Variants in UBOX5 observed in about 807,000 individuals in gnomAD.
The protein encoded by UBOX5 is U-box domain containing 5.
Under a neutral mutation model 39.0 loss-of-function variants are expected in UBOX5, and 28 were observed. The observed-to-expected ratio is 0.72, with a 90% confidence interval of 0.53 to 0.98. The LOEUF (loss-of-function observed/expected upper bound fraction) is 0.98, where lower values mean the gene tolerates loss of function less well. Ranked by LOEUF, UBOX5 falls within the 50% of genes least tolerant of loss-of-function variation. The probability of loss-of-function intolerance (pLI) is 0.00; values close to 1 mark genes in which losing one functional copy is unlikely to be tolerated. For missense variants in UBOX5, 585 were observed against 674.4 expected (o/e 0.87, Z 1.47); for synonymous variants, 283 against 275.5 (o/e 1.03, Z -0.27).
chr20:3,134,410 T>C (rs1348247652), intron 1 of UBOX5, among the ~76,000 whole-genome samples: 3 of 152,132 alleles, frequency 2.0e-5, no homozygotes, highest in African/African-American at 7.2e-5. Context: ...ATGAACGGCC[T>C]TCTCTGTGAG....
intron 1 of UBOX5, among the ~76,000 whole-genome samples, chr20:3,153,153 TA>T (rs1351855935): frequency 1.3e-5 from 2 of 152,208 alleles, no homozygotes; most frequent in Non-Finnish European, 2.9e-5. Context: ...ATTAAATAAT[TA>T]AAATTACTTC....
At chr20:3,112,645 C>A (rs375607786) in intron 4 of UBOX5, among the ~76,000 whole-genome samples, 2 of 152,078 alleles carry the variant, frequency 1.3e-5, no homozygotes, top group African/African-American at 4.8e-5. Context: ...CAAAGAACAG[C>A]CTATCCGTTA....
chr20:3,116,531 G>C (rs1055731089), intron 3 of UBOX5: 1 of 152,224 alleles, frequency 6.6e-6, no homozygotes, highest in African/African-American at 2.4e-5. Flanking sequence ...GCCCTAGTCA[G>C]CGTGGTCCTG....
rs2066240652 is a variant in UBOX5 at position 3,110,021 on chromosome 20, C to A, written c.*85G>T. 3.9e-5 allele frequency: 60 copies of A among 1,541,102 alleles called. No individual in the cohort carries two copies. The highest frequency in any genetic ancestry group is 5.0e-5 in the Non-Finnish European group (57 of 1,132,556). On this transcript the variant is annotated 3_prime_UTR_variant, in exon 5 of 5. Transcript: ENST00000217173. ...AGGCAGCTCTGTGCCTGGGGCCTGG[C>A]CAGACCTCAGGGGTGCTGTGGCCCT...
At chr20:3,118,901 T>A (rs1345523027) in intron 3 of UBOX5, among the ~76,000 whole-genome samples, 1 of 152,020 alleles carries the variant, frequency 6.6e-6, no homozygotes, top group Admixed American at 6.6e-5. Context: ...ATCACACCAC[T>A]GCACTCTACC....
chr20:3,114,909 C>T (rs2066281499), intron 4 of UBOX5, among the ~76,000 whole-genome samples: 1 of 152,088 alleles, frequency 6.6e-6, no homozygotes, highest in Non-Finnish European at 1.5e-5. Flanking sequence ...GACTGTGCCA[C>T]TGCACTCCAG....
In UBOX5 at chr20:3,149,179, T is replaced by C. The variant is rs528931141; in HGVS notation, c.-42+10587A>G. 189 of 1,267,726 alleles carry C rather than the reference T, an allele frequency of 1.5e-4. No homozygotes were observed. The African/African-American group carries it at 2.7e-3, about 18-fold the overall frequency. The allele number at this position is 1,267,726 out of a possible 1,614,324, so 78.5% of individuals were successfully genotyped here. A position where few individuals can be genotyped will look rare whatever the true frequency, so the allele number is the denominator to read the frequency against. On this transcript the variant is annotated intron_variant, in intron 1 of 4. Coordinates refer to ENST00000217173, the MANE Select transcript of UBOX5 (RefSeq NM_014948.4). The surrounding 1 kb of genome is among the most constrained non-coding windows in gnomAD (Gnocchi z 4.1). ...TGATTAGAGCTGGACGGGGAGGTGTTCCACAAAAACTGCCTGGAAATCTTC... is the reference window on the plus strand; with the variant it reads ...TGATTAGAGCTGGACGGGGAGGTGTCCCACAAAAACTGCCTGGAAATCTTC...
intron 1 of UBOX5, among the ~76,000 whole-genome samples, chr20:3,158,701 C>G (rs1368293911): frequency 1.3e-5 from 2 of 151,962 alleles, no homozygotes; most frequent in African/African-American, 2.4e-5. Context: ...GTCTCGATCT[C>G]CTGACCTCGT....
Position 3,134,634 on chromosome 20 carries a change from G to A in UBOX5, c.-41-11228C>T, listed in dbSNP as rs550506210. ...CAGCACTCTGGGAGGCCAGACAGGC[G>A]GATCATCTGAGGTCAAGAGTTCAAG... On this transcript the variant is annotated intron_variant, in intron 1 of 4. Coordinates refer to ENST00000217173, the MANE Select transcript of UBOX5 (RefSeq NM_014948.4). 2.5e-3 allele frequency among the ~76,000 whole-genome samples: 374 copies of A among 151,360 alleles called. 1 individual carries two copies. The highest frequency in any genetic ancestry group is 4.8e-3 in the Non-Finnish European group (324 of 67,900).
Position 3,121,975 on chromosome 20 carries a change from C to G in UBOX5, c.664G>C (p.Ala222Pro). 2 of 1,614,060 alleles carry G rather than the reference C, an allele frequency of 1.2e-6. No homozygotes were observed. Among genetic ancestry groups the G allele is most frequent in the Non-Finnish European group, 1.7e-6 (2 of 1,180,040 alleles). ...VTSENLPQDV[A>P]LQAPALPMES... ...ATGGGCAAGGCTGGAGCCTGCAGAG[C>G]CACATCCTGAGGCAGGTTCTCTGAG... The change falls in exon 3 of 5, where the codon GCT becomes CCT. Residue 222 changes from alanine to proline, a missense_variant. By Grantham distance (27) the Ala-to-Pro change is conservative. Transcript: ENST00000217173.
intron 1 of UBOX5, among the ~76,000 whole-genome samples, chr20:3,136,891 G>A (rs1403603337): frequency 2.6e-5 from 4 of 151,730 alleles, no homozygotes; most frequent in Admixed American, 6.6e-5. Flanking sequence ...TCCTTACCTC[G>A]TGATCCACTC....
chr20:3,148,413 G>C, intron 1 of UBOX5: 3 of 1,614,156 alleles, frequency 1.9e-6, no homozygotes, highest in Non-Finnish European at 2.5e-6. Context: ...GAATGGGAGT[G>C]AGGGATTCCT....
chr20:3,156,325 G>T (rs572866870), intron 1 of UBOX5, among the ~76,000 whole-genome samples: 24 of 151,996 alleles, frequency 1.6e-4, no homozygotes, highest in African/African-American at 5.6e-4. Context: ...AAAGGCTCAC[G>T]CCAACATGCC....
intron 1 of UBOX5, chr20:3,148,193 T>C: frequency 6.2e-7 from 1 of 1,614,012 alleles, no homozygotes; most frequent in African/African-American, 1.3e-5. Context: ...CTGGGATACC[T>C]GACGATTTTC....
intron 1 of UBOX5, among the ~76,000 whole-genome samples, chr20:3,128,297 C>T (rs919615383): frequency 6.6e-6 from 1 of 152,164 alleles, no homozygotes; most frequent in East Asian, 1.9e-4. Context: ...TAAAATTAAG[C>T]CATTCACTTT....
chr20:3,157,414 T>C (rs2066697338), intron 1 of UBOX5, among the ~76,000 whole-genome samples: 1 of 152,226 alleles, frequency 6.6e-6, no homozygotes, highest in South Asian at 2.1e-4. Context: ...CTTTTTGTTC[T>C]AGACTCCATG....
Position 3,121,978 on chromosome 20 carries a change from C to T in UBOX5, c.661G>A (p.Val221Met). Residue 221 changes from valine (V) to methionine (M), a missense_variant, in exon 3 of 5, where the codon GTG becomes ATG. Val to Met is a conservative substitution (Grantham distance 21). Coordinates refer to ENST00000217173, the MANE Select transcript of UBOX5 (RefSeq NM_014948.4). ...GGCAAGGCTGGAGCCTGCAGAGCCACATCCTGAGGCAGGTTCTCTGAGGTG... is the reference window on the plus strand; with the variant it reads ...GGCAAGGCTGGAGCCTGCAGAGCCATATCCTGAGGCAGGTTCTCTGAGGTG... Reference protein sequence around the residue: ...LVTSENLPQDVALQAPALPME... With the variant: ...LVTSENLPQDMALQAPALPME... The T allele has an allele frequency of 1.2e-6, 2 of 1,614,104 alleles. No homozygotes were observed. The highest frequency in any genetic ancestry group is 1.1e-5 in the South Asian group (1 of 91,086).
chr20:3,107,708 G>C lies in UBOX5; in HGVS notation c.*2398C>G, dbSNP rs543665624. 4.9e-4 allele frequency: 74 copies of C among 152,258 alleles called. No individual in the cohort carries two copies. The highest frequency in any genetic ancestry group is 1.8e-3 in the African/African-American group (74 of 41,540). 9.4% of individuals were successfully genotyped at this position (152,258 alleles called of 1,614,324 possible). A position where few individuals can be genotyped will look rare whatever the true frequency, so the allele number is the denominator to read the frequency against. ...AGTCTTTCAATTAAGAAAAACACAC[G>C]CAACTCCTGGGGGTGGCTCCACCTG... On this transcript the variant is annotated 3_prime_UTR_variant, in exon 5 of 5. Transcript: ENST00000217173. The surrounding 1 kb of genome is among the most constrained non-coding windows in gnomAD (Gnocchi z 5.0).
intron 1 of UBOX5, among the ~76,000 whole-genome samples, chr20:3,124,150 G>A (rs923872298): frequency 2.6e-5 from 4 of 152,168 alleles, no homozygotes; most frequent in African/African-American, 9.7e-5. Context: ...AGTGAGCTAT[G>A]ATCACACCAC....
Sources: allele counts gnomAD v4.1 joint callset (sites outside exome capture counted in the v4.1 genomes callset), GRCh38; gene constraint gnomAD v4.1.1; non-coding constraint Gnocchi (gnomAD v3.1); transcripts MANE v1.5; gene names NCBI Gene and HGNC (gene_info 2026-07-23, HGNC 2026-07-21).